The following NIPBL variants were observed in gnomAD, a reference collection of about 807,000 sequenced individuals.
The protein encoded by NIPBL is nipped-B-like protein.
NIPBL carries 19 observed loss-of-function variants against 321.8 expected under a neutral mutation model. The ratio of observed to expected loss-of-function variants is 0.06; its 90% confidence interval spans 0.04 to 0.09. The LOEUF (loss-of-function observed/expected upper bound fraction) is 0.09. Among genes scored for constraint, NIPBL ranks in the 10% least tolerant of loss-of-function variants. The pLI is 1.00. For missense variants in NIPBL, 2,210 were observed against 3,327.0 expected (o/e 0.66, Z 8.26); for synonymous variants, 1,106 against 1,114.1 (o/e 0.99, Z 0.14).
intron 24 of NIPBL, among the ~76,000 whole-genome samples, chr5:37,019,102 CAAAA>C (rs1277363937): frequency 2.0e-5 from 3 of 151,904 alleles, no homozygotes; most frequent in African/African-American, 7.3e-5. Context: ...AACTCCATCT[CAAAA>C]AAAGTAAAAC....
Position 36,985,408 on chromosome 5 carries a change from G to A in NIPBL, c.2228G>A (p.Arg743His), listed in dbSNP as rs755001260. ...PETPKQKGES[R>H]PETPKQKNEG... is the part of the protein sequence containing the mutation. The stretch of plus-strand genomic sequence containing the variant: ...ACTCCAAAGCAAAAAGGTGAGAGCC[G>A]CCCTGAAACTCCAAAGCAAAAAAAT... Residue 743 changes from arginine to histidine, a missense_variant, in exon 10 of 47, where the codon CGC becomes CAC. Coordinates refer to ENST00000282516, the MANE Select transcript of NIPBL (RefSeq NM_133433.4). The A allele has an allele frequency of 8.2e-5, 132 of 1,613,400 alleles. No homozygotes were observed. The South Asian group carries it at 1.1e-3, about 14-fold the overall frequency.
intron 10 of NIPBL, among the ~76,000 whole-genome samples, chr5:36,988,182 T>C (rs1241921736): frequency 6.6e-6 from 1 of 152,202 alleles, no homozygotes; most frequent in Non-Finnish European, 1.5e-5. Context: ...CACCTGGGTT[T>C]TTCACATGCA....
At chr5:36,928,641 T>C (rs556961110) in intron 1 of NIPBL, among the ~76,000 whole-genome samples, 1 of 152,234 alleles carries the variant, frequency 6.6e-6, no homozygotes, top group African/African-American at 2.4e-5. Flanking sequence ...TTTTCATCAG[T>C]CCCCAAATTT....
chr5:36,892,026 C>T (rs1440112128), intron 1 of NIPBL, among the ~76,000 whole-genome samples: 1 of 151,930 alleles, frequency 6.6e-6, no homozygotes, highest in Non-Finnish European at 1.5e-5. Flanking sequence ...ATATAGTGTA[C>T]CAAAACCTGT....
At chr5:36,989,232 C>T (rs1172868943) in intron 10 of NIPBL, among the ~76,000 whole-genome samples, 1 of 152,022 alleles carries the variant, frequency 6.6e-6, no homozygotes, top group Non-Finnish European at 1.5e-5. Context: ...TTGTTAAGAT[C>T]CAAAGAAAAC....
intron 34 of NIPBL, among the ~76,000 whole-genome samples, chr5:37,043,055 C>G (rs1219956517): frequency 6.6e-6 from 1 of 151,808 alleles, no homozygotes; most frequent in Non-Finnish European, 1.5e-5. Flanking sequence ...TTTAAACATG[C>G]TTATTAGTTT....
intron 1 of NIPBL, among the ~76,000 whole-genome samples, chr5:36,912,903 A>G (rs1211629437): frequency 6.6e-6 from 1 of 152,168 alleles, no homozygotes; most frequent in African/African-American, 2.4e-5. Flanking sequence ...TTATAGAAAC[A>G]GTGTCTTTCA....
chr5:36,931,359 C>T (rs1749761262), intron 1 of NIPBL, among the ~76,000 whole-genome samples: 1 of 151,958 alleles, frequency 6.6e-6, no homozygotes, highest in South Asian at 2.1e-4. Flanking sequence ...ACTCTGTCAC[C>T]CAGGCTGGAG....
intron 43 of NIPBL, among the ~76,000 whole-genome samples, chr5:37,058,470 T>A (rs1259863086): frequency 6.6e-6 from 1 of 152,260 alleles, no homozygotes; most frequent in African/African-American, 2.4e-5. Flanking sequence ...GCTTATTATC[T>A]TGCCGAAATG....
chr5:36,895,088 A>G (rs1444497422), intron 1 of NIPBL, among the ~76,000 whole-genome samples: 4 of 152,184 alleles, frequency 2.6e-5, no homozygotes, highest in African/African-American at 9.7e-5. Flanking sequence ...ATTCATCATT[A>G]CTTTCTAGTT....
intron 3 of NIPBL, among the ~76,000 whole-genome samples, chr5:36,957,891 G>C (rs1036484947): frequency 2.0e-5 from 3 of 151,510 alleles, no homozygotes; most frequent in African/African-American, 7.3e-5. Context: ...GCTGAGGCAA[G>C]AGAATCACTT....
chr5:37,051,745 C>T lies in NIPBL; in HGVS notation c.6955-34C>T. 3.5e-6 allele frequency: 5 copies of T among 1,446,440 alleles called. No homozygotes were observed. The South Asian group carries it at 4.6e-5, about 13-fold the overall frequency. The allele number at this position is 1,446,440 out of a possible 1,614,324, so 89.6% of individuals were successfully genotyped here. A position where few individuals can be genotyped will look rare whatever the true frequency, so the allele number is the denominator to read the frequency against. Reference sequence around the variant, plus strand: ...TGTCTAAATAGAGAATTTTTACTACCATGATATCTCGTAATTTTTTTTTTT... The same window carrying T: ...TGTCTAAATAGAGAATTTTTACTACTATGATATCTCGTAATTTTTTTTTTT... On this transcript the variant is annotated intron_variant, in intron 40 of 46. Coordinates refer to ENST00000282516, the MANE Select transcript of NIPBL (RefSeq NM_133433.4).
rs751886314 is a variant in NIPBL at position 37,060,934 on chromosome 5, A to G, written c.7776A>G (p.Gln2592=). The G allele has an allele frequency of 5.0e-6, 8 of 1,614,174 alleles. No homozygotes were observed. The East Asian group carries it at 1.8e-4, about 36-fold the overall frequency. ...RKTGVHFHPK[Q]TLDFLRSDMA... ...CAGGAGTTCATTTTCATCCAAAACA[A>G]ACACTGGACTTCCTGCGGAGTGACA... Residue 2592 remains glutamine, a synonymous_variant, in exon 45 of 47, where the codon CAA becomes CAG. Coordinates refer to ENST00000282516, the MANE Select transcript of NIPBL (RefSeq NM_133433.4).
chr5:36,903,488 T>C (rs1747390878), intron 1 of NIPBL, among the ~76,000 whole-genome samples: 1 of 152,200 alleles, frequency 6.6e-6, no homozygotes, highest in Admixed American at 6.5e-5. Flanking sequence ...ATTGTAATTA[T>C]CTACTTCCTC....
At chr5:36,889,265 G>A (rs933756463) in intron 1 of NIPBL, among the ~76,000 whole-genome samples, 1 of 152,090 alleles carries the variant, frequency 6.6e-6, no homozygotes, top group Admixed American at 6.5e-5. Context: ...GGTTTGTTTA[G>A]TTGGATAAGA....
intron 34 of NIPBL, among the ~76,000 whole-genome samples, chr5:37,043,679 T>C (rs2149729672): frequency 6.6e-6 from 1 of 152,162 alleles, no homozygotes; most frequent in Non-Finnish European, 1.5e-5. Flanking sequence ...ACCTGGGCAA[T>C]TGAGCAAGAC....
intron 6 of NIPBL, among the ~76,000 whole-genome samples, chr5:36,966,453 A>G (rs1031848249): frequency 3.9e-5 from 6 of 152,076 alleles, no homozygotes; most frequent in Non-Finnish European, 7.4e-5. Flanking sequence ...TGTGCACTTT[A>G]CATTGTATCT....
chr5:36,963,658 C>T (rs938282676), intron 6 of NIPBL, among the ~76,000 whole-genome samples: 1 of 151,770 alleles, frequency 6.6e-6, no homozygotes, highest in Non-Finnish European at 1.5e-5. Context: ...AAAAATTAGC[C>T]AGGCATGGTG....
At chr5:37,019,857 CTAT>C (rs970055019) in intron 25 of NIPBL, among the ~76,000 whole-genome samples, 3 of 152,130 alleles carry the variant, frequency 2.0e-5, no homozygotes, top group African/African-American at 7.2e-5. Flanking sequence ...AATTTATAAA[CTAT>C]TATTTGAGAA....
Sources: gnomAD v4.1 joint callset for allele counts (sites outside exome capture counted in the v4.1 genomes callset) on GRCh38, gnomAD v4.1.1 for gene constraint, MANE v1.5 for transcripts, NCBI Gene and HGNC (gene_info 2026-07-23, HGNC 2026-07-21) for gene names.